Variants in TTC6 observed in about 807,000 individuals in gnomAD.
TTC6 encodes tetratricopeptide repeat domain 6.
TTC6 carries 172 observed loss-of-function variants against 210.4 expected under a neutral mutation model. The ratio of observed to expected loss-of-function variants is 0.82; its 90% CI spans 0.72 to 0.93. The LOEUF is 0.93. TTC6 is among the 40% of genes least tolerant of loss of function. The pLI is 0.00. For synonymous variants in TTC6, 804 were observed against 819.6 expected, an observed-to-expected ratio of 0.98 and a Z score of 0.32; for missense variants, 2,414 against 2,318.1, an observed-to-expected ratio of 1.04 and a Z score of -0.85.
At position 37,686,108 on chromosome 14, in the gene TTC6, C is replaced by T. The variant is rs146430858; in HGVS notation, c.1257+3144C>T. On this transcript the variant is annotated intron_variant, in intron 3 of 30. Coordinates refer to ENST00000553443, the Ensembl canonical transcript of TTC6. The stretch of plus-strand genomic sequence containing the variant: ...ATGAGTCTCGTGGGAAGAGCACAGG[C>T]TCTGCAACTAGATGTCCAAGGACCG... Among the ~76,000 whole-genome samples, 419 of 152,122 alleles carry T rather than the reference C, an allele frequency of 2.8e-3. 2 individuals are homozygous for T. In the Middle Eastern group the frequency reaches 0.044, roughly 16 times the overall value.
At chr14:37,735,617 G>T (rs12436962) in intron 7 of TTC6, among the ~76,000 whole-genome samples, 4 of 152,008 alleles carry the variant, frequency 2.6e-5, no homozygotes, top group South Asian at 2.1e-4. Flanking sequence ...CATAAATTCA[G>T]TGTTAACCTA....
intron 11 of TTC6, 108 bp downstream of exon 13, chr14:37,749,509 G>T: frequency 8.3e-7 from 1 of 1,200,570 alleles, no homozygotes; most frequent in Non-Finnish European, 1.1e-6. Flanking sequence ...AGTATAGCAT[G>T]TGGAATTATT....
intron 13 of TTC6, among the ~76,000 whole-genome samples, chr14:37,752,074 C>T (rs1367791437): frequency 1.3e-5 from 2 of 152,046 alleles, no homozygotes; most frequent in African/African-American, 4.8e-5. Flanking sequence ...ATCCGCCCAC[C>T]TTGGCCTCCC....
chr14:37,647,343 A>G (rs937019048), intron 1 of TTC6, among the ~76,000 whole-genome samples: 2 of 152,256 alleles, frequency 1.3e-5, no homozygotes, highest in African/African-American at 4.8e-5. Context: ...ACCTGTTAAA[A>G]TAATCCAGGT....
At chr14:37,640,118 C>T (rs929865286) in intron 1 of TTC6, among the ~76,000 whole-genome samples, 1 of 151,652 alleles carries the variant, frequency 6.6e-6, no homozygotes. Flanking sequence ...ACAGGTGCAG[C>T]TTATTTTCCA....
intron 5 of TTC6, among the ~76,000 whole-genome samples, chr14:37,705,820 A>T (rs2095834404): frequency 1.3e-5 from 2 of 152,268 alleles, no homozygotes; most frequent in South Asian, 4.1e-4. Context: ...AGGTTTGAGG[A>T]TTGATACCTA....
chr14:37,804,672 CATT>C lies in TTC6; in HGVS notation c.4030-5_4030-3del. ...TCTTGCCCCCTCCCTGCTTTTTTAT[CATT>C]ATAGGAAGCTGTGGAAGTGCTTAAG... is the stretch of plus-strand genomic sequence containing the variant. On this transcript the variant is annotated splice_region_variant and splice_polypyrimidine_tract_variant and intron_variant, in intron 20 of 30. Coordinates refer to ENST00000553443, the Ensembl canonical transcript of TTC6. 6.2e-7 allele frequency: 1 copy of C among 1,604,406 alleles called. No individual in the cohort carries two copies. The highest frequency in any genetic ancestry group is 1.1e-5 in the South Asian group (1 of 89,264).
exon 29 of TTC6, chr14:37,827,262 A>C: frequency 6.2e-7 from 1 of 1,613,274 alleles, no homozygotes; most frequent in Non-Finnish European, 8.5e-7. Context: ...CCACAAACAG[A>C]ATGCAATGAA....
chr14:37,650,775 G>A (rs760526608), intron 1 of TTC6, among the ~76,000 whole-genome samples: 4 of 152,170 alleles, frequency 2.6e-5, no homozygotes, highest in East Asian at 1.9e-4. Context: ...TGAATAATCC[G>A]TATTCTTAGC....
At chr14:37,753,256 C>T (rs1566932020) in intron 14 of TTC6, 21 bp downstream of exon 16, 6 of 1,495,992 alleles carry the variant, frequency 4.0e-6, no homozygotes, top group Admixed American at 2.1e-5. Flanking sequence ...TTTTAGATGT[C>T]GTTTTAAAAT....
chr14:37,668,750 G>T (rs575929855), intron 1 of TTC6, among the ~76,000 whole-genome samples: 1 of 152,178 alleles, frequency 6.6e-6, no homozygotes, highest in Admixed American at 6.5e-5. Flanking sequence ...AAAAATTGAG[G>T]CTGTTAATAC....
intron 7 of TTC6, among the ~76,000 whole-genome samples, chr14:37,731,171 G>A (rs7154854): frequency 0.55 from 84,197 of 151,964 alleles, 24,080 homozygotes; most frequent in African/African-American, 0.7. Flanking sequence ...TGATCAATAC[G>A]TAACCTTGCT....
chr14:37,722,287 C>G (rs2095863457), intron 6 of TTC6, among the ~76,000 whole-genome samples: 1 of 152,122 alleles, frequency 6.6e-6, no homozygotes, highest in African/African-American at 2.4e-5. Context: ...GCTACTACCC[C>G]TGTTGCTTCT....
intron 1 of TTC6, 35 bp downstream of exon 3, chr14:37,623,038 A>T: frequency 7.1e-7 from 1 of 1,413,912 alleles, no homozygotes; most frequent in South Asian, 1.5e-5. Flanking sequence ...CATTTTTCCC[A>T]AATGCAATTT....
chr14:37,813,451 G>A (rs1165722450), intron 25 of TTC6, among the ~76,000 whole-genome samples: 1 of 152,164 alleles, frequency 6.6e-6, no homozygotes, highest in Non-Finnish European at 1.5e-5. Context: ...AGGGACTGCA[G>A]CTGTTAGAGA....
rs1269371298 is a variant in TTC6 at position 37,838,776 on chromosome 14, C to T, written c.5299-2669C>T. On this transcript the variant is annotated intron_variant, in intron 29 of 30. Transcript: ENST00000553443. ...GTAAATGTGCCATGTGGGTTTGCTA[C>T]ACCCATCGACGCATCATTTACATAT... Among the ~76,000 whole-genome samples, 8 of 152,082 alleles carry T rather than the reference C, an allele frequency of 5.3e-5. 1 individual carries two copies. Among genetic ancestry groups the T allele is most frequent in the Non-Finnish European group, 7.3e-5 (5 of 68,028 alleles).
At position 37,826,100 on chromosome 14, in the gene TTC6, C is replaced by G. The variant is rs372584838; in HGVS notation, c.4975-95C>G. 18 of 1,283,314 alleles carry G rather than the reference C, an allele frequency of 1.4e-5. No homozygotes were observed. The East Asian group carries it at 3.9e-4, about 28-fold the overall frequency. The allele number at this position is 1,283,314 out of a possible 1,614,324, so 79.5% of individuals were successfully genotyped here. On this transcript the variant is annotated intron_variant, in intron 27 of 30. Coordinates refer to ENST00000553443, the Ensembl canonical transcript of TTC6. ...TAGATTTAGCATGGCATAAATATACCCTTACTAAAGGTTTTATTTGATGGA... is the reference window on the plus strand; with the variant it reads ...TAGATTTAGCATGGCATAAATATACGCTTACTAAAGGTTTTATTTGATGGA...
intron 1 of TTC6, among the ~76,000 whole-genome samples, chr14:37,653,480 T>C (rs1373730266): frequency 1.3e-5 from 2 of 152,220 alleles, no homozygotes; most frequent in Non-Finnish European, 2.9e-5. Context: ...GTTCCCTCCT[T>C]TTCTGAGAGG....
At chr14:37,814,694 G>T (rs933021286) in intron 25 of TTC6, among the ~76,000 whole-genome samples, 1 of 152,084 alleles carries the variant, frequency 6.6e-6, no homozygotes, top group East Asian at 1.9e-4. Context: ...AGCTGGAAAA[G>T]ATATACCACA....
Sources: allele counts gnomAD v4.1 joint callset (sites outside exome capture counted in the v4.1 genomes callset), GRCh38; gene constraint gnomAD v4.1.1; transcripts MANE v1.5; gene names NCBI Gene and HGNC (gene_info 2026-07-23, HGNC 2026-07-21).